The following MYH10 variants were observed in gnomAD, a reference collection of about 807,000 sequenced individuals.
MYH10 encodes myosin-10.
MYH10 carries 55 observed loss-of-function variants against 257.8 expected under a neutral mutation model. The ratio of observed to expected loss-of-function variants is 0.21; its 90% CI spans 0.17 to 0.27. The LOEUF (loss-of-function observed/expected upper bound fraction) is 0.27, where lower values mean the gene tolerates loss of function less well. Among genes scored for constraint, MYH10 ranks in the 10% least tolerant of loss-of-function variants. The pLI, the probability that MYH10 is intolerant of heterozygous loss-of-function variation, is 1.00. For missense variants in MYH10, 1,631 were observed against 2,500.6 expected, an observed-to-expected ratio of 0.65 and a Z score of 7.42; for synonymous variants, 854 against 921.7, an observed-to-expected ratio of 0.93 and a Z score of 1.33.
chr17:8,547,773 T>G (rs1272795608), intron 11 of MYH10, among the ~76,000 whole-genome samples: 7 of 142,746 alleles, frequency 4.9e-5, no homozygotes, highest in Non-Finnish European at 1.0e-4. Flanking sequence ...AATATATACT[T>G]TATATCCATA....
In MYH10 at chr17:8,518,936, G is replaced by A; in HGVS notation, c.2288C>T (p.Thr763Ile). 1 of 1,603,946 alleles carries A rather than the reference G, an allele frequency of 6.2e-7. No individual in the cohort carries two copies. The highest frequency in any genetic ancestry group is 8.5e-7 in the Non-Finnish European group (1 of 1,172,724). ...AAAACCTTTAGGAATAGCATTTGGA[G>A]TTAGGATCTCATATCTGTAAGAGAA... The part of the protein sequence containing the change: ...QEFRQRYEIL[T>I]PNAIPKGFMD... Residue 763 changes from threonine to isoleucine, a missense_variant, in exon 20 of 43, where the codon ACT (threonine) becomes ATT (isoleucine). This residue lies in a region of MYH10 where 116 missense variants were observed against 221.6 expected (regional missense o/e 0.52). Transcript: ENST00000360416.
chr17:8,594,633 T>C (rs1375904574), intron 3 of MYH10, among the ~76,000 whole-genome samples: 1 of 152,142 alleles, frequency 6.6e-6, no homozygotes, highest in Non-Finnish European at 1.5e-5. Flanking sequence ...TGTATACAAA[T>C]GTTGACCCCC....
chr17:8,490,286 C>G lies in MYH10; in HGVS notation c.4884+54G>C. 6.6e-7 allele frequency: 1 copy of G among 1,526,192 alleles called. No individual in the cohort carries two copies. Among genetic ancestry groups the G allele is most frequent in the Non-Finnish European group, 9.0e-7 (1 of 1,105,922 alleles). The allele number at this position is 1,526,192 out of a possible 1,614,324, so 94.5% of individuals were successfully genotyped here. ...GAATGAACAGGATACTGACCCAGAG[C>G]TGGGCTTTGAGAGCCTGCACCCCTT... On this transcript the variant is annotated intron_variant, in intron 35 of 42. Coordinates refer to ENST00000360416, the MANE Select transcript of MYH10 (RefSeq NM_001256012.3). This position sits in a 1 kb window ranked among gnomAD's most constrained non-coding sequence, Gnocchi z 4.1.
intron 3 of MYH10, among the ~76,000 whole-genome samples, chr17:8,602,809 C>T (rs2084660986): frequency 6.6e-6 from 1 of 152,066 alleles, no homozygotes; most frequent in Non-Finnish European, 1.5e-5. Flanking sequence ...CTTTCTTGTG[C>T]CTTGGTAAAA....
At chr17:8,607,523 A>G (rs540983277) in intron 2 of MYH10, among the ~76,000 whole-genome samples, 2 of 152,318 alleles carry the variant, frequency 1.3e-5, no homozygotes, top group East Asian at 3.9e-4. Flanking sequence ...CTTAAGAAGG[A>G]ACATTATTAA....
chr17:8,575,691 T>C (rs1030723446), intron 6 of MYH10, among the ~76,000 whole-genome samples: 6 of 152,234 alleles, frequency 3.9e-5, no homozygotes, highest in Non-Finnish European at 7.3e-5. Context: ...TCGATATTAT[T>C]GTTTCTTGCT....
At chr17:8,572,185 ATTAT>A (rs138432376) in intron 6 of MYH10, among the ~76,000 whole-genome samples, 5,726 of 152,000 alleles carry the variant, frequency 0.038, 147 homozygotes, top group Non-Finnish European at 0.059. Flanking sequence ...GGCTAAAAGG[ATTAT>A]TTGAGTCAAA....
At chr17:8,609,293 TATC>T (rs1406117439) in intron 2 of MYH10, among the ~76,000 whole-genome samples, 2 of 151,920 alleles carry the variant, frequency 1.3e-5, no homozygotes, top group African/African-American at 4.8e-5. Flanking sequence ...GAACTGGGAA[TATC>T]ATGTAACCCT....
At chr17:8,580,525 C>T (rs1442449744) in intron 4 of MYH10, among the ~76,000 whole-genome samples, 1 of 151,870 alleles carries the variant, frequency 6.6e-6, no homozygotes, top group Non-Finnish European at 1.5e-5. Flanking sequence ...AATCATAGTG[C>T]CTGGCAGAGT....
chr17:8,478,463 A>G lies in MYH10; in HGVS notation c.5598-17T>C, dbSNP rs912489622. 6.2e-6 allele frequency: 10 copies of G among 1,610,142 alleles called. No individual in the cohort carries two copies. The highest frequency in any genetic ancestry group is 1.7e-4 in the Middle Eastern group (1 of 6,048). On this transcript the variant is annotated splice_polypyrimidine_tract_variant and intron_variant, in intron 40 of 42. Transcript: ENST00000360416. ...GCTCGTTCCCTGTGAAAGTGGTCAC[A>G]GTAGTTTTGAAATTCTTGAAATGGT...
At chr17:8,540,677 T>C (rs1238127942) in intron 14 of MYH10, among the ~76,000 whole-genome samples, 1 of 152,194 alleles carries the variant, frequency 6.6e-6, no homozygotes, top group Non-Finnish European at 1.5e-5. Context: ...AGGTACATAA[T>C]CATTATATTC....
At chr17:8,518,992 G>C (rs1420636074) in intron 19 of MYH10, 42 bp from the exon 20 acceptor site, 27 of 1,477,368 alleles carry the variant, frequency 1.8e-5, no homozygotes, top group Non-Finnish European at 2.4e-5. Flanking sequence ...AGAAATTTGT[G>C]AACGATGTGT....
chr17:8,624,997 C>T (rs1192121294), intron 1 of MYH10, among the ~76,000 whole-genome samples: 5 of 152,106 alleles, frequency 3.3e-5, no homozygotes, highest in African/African-American at 1.2e-4. Flanking sequence ...GCCTATAATC[C>T]TAGCACTTTG....
intron 2 of MYH10, among the ~76,000 whole-genome samples, chr17:8,614,420 G>A (rs778280370): frequency 4.1e-5 from 6 of 147,892 alleles, no homozygotes; most frequent in Admixed American, 1.4e-4. Flanking sequence ...CCCGGTTCAG[G>A]CTATTCTCTG....
chr17:8,556,999 C>CT (rs1234853789), intron 7 of MYH10, among the ~76,000 whole-genome samples: 1 of 152,136 alleles, frequency 6.6e-6, no homozygotes, highest in African/African-American at 2.4e-5. Context: ...TAGATTTACA[C>CT]TCTTCTGCTT....
chr17:8,530,349 A>G (rs1042428639), intron 17 of MYH10, among the ~76,000 whole-genome samples: 6 of 152,234 alleles, frequency 3.9e-5, no homozygotes, highest in African/African-American at 9.7e-5. Context: ...ATGCGGTGCT[A>G]TAAGTGCTAT....
At chr17:8,550,758 A>T (rs1351761889) in intron 9 of MYH10, among the ~76,000 whole-genome samples, 5 of 151,942 alleles carry the variant, frequency 3.3e-5, no homozygotes, top group African/African-American at 1.2e-4. Flanking sequence ...GTGTAGAAAG[A>T]AGTAGACATG....
intron 6 of MYH10, among the ~76,000 whole-genome samples, chr17:8,570,397 T>C (rs2083295826): frequency 6.6e-6 from 1 of 152,184 alleles, no homozygotes; most frequent in Admixed American, 6.5e-5. Flanking sequence ...TTCGGTAAAA[T>C]GTCTGCTTTA....
At chr17:8,532,528 C>T (rs1348026646) in intron 16 of MYH10, among the ~76,000 whole-genome samples, 1 of 152,204 alleles carries the variant, frequency 6.6e-6, no homozygotes, top group Non-Finnish European at 1.5e-5. Flanking sequence ...CATCTGTGAT[C>T]TGTAATTTGT....
Sources: allele counts gnomAD v4.1 joint callset (sites outside exome capture counted in the v4.1 genomes callset), GRCh38; gene constraint gnomAD v4.1.1; regional missense constraint gnomAD v4.1.1; non-coding constraint Gnocchi (gnomAD v3.1); transcripts MANE v1.5; gene names NCBI Gene and HGNC (gene_info 2026-07-23, HGNC 2026-07-21).